Variants in RIMS2 observed in about 807,000 individuals in gnomAD.
RIMS2 encodes the protein regulating synaptic membrane exocytosis 2.
RIMS2 carries 59 observed loss-of-function variants against 174.4 expected under a neutral mutation model. That is an observed-to-expected ratio of 0.34 (90% CI 0.27 to 0.42). The LOEUF (loss-of-function observed/expected upper bound fraction) is 0.42, where lower values mean the gene tolerates loss of function less well. Ranked by LOEUF, RIMS2 falls within the 10% of genes least tolerant of loss-of-function variation. The pLI is 1.00. For missense variants in RIMS2, 1,620 were observed against 1,666.3 expected, an observed-to-expected ratio of 0.97 and a Z score of 0.48; for synonymous variants, 606 against 572.5, an observed-to-expected ratio of 1.06 and a Z score of -0.84.
At chr8:104,028,142 T>G (rs72683160) in intron 19 of RIMS2, among the ~76,000 whole-genome samples, 19,370 of 149,650 alleles carry the variant, frequency 0.13, 1,696 homozygotes, top group Non-Finnish European at 0.19. Flanking sequence ...AAAAAAAAGA[T>G]CTAAAGAAAG....
intron 15 of RIMS2, among the ~76,000 whole-genome samples, chr8:103,966,928 C>G (rs12547050): frequency 1.3e-5 from 2 of 151,624 alleles, no homozygotes; most frequent in Admixed American, 1.3e-4. Flanking sequence ...TTACTGCTTT[C>G]TAATTTATTT....
At chr8:104,042,143 A>C (rs889504672) in intron 19 of RIMS2, among the ~76,000 whole-genome samples, 1 of 151,468 alleles carries the variant, frequency 6.6e-6, no homozygotes, top group Non-Finnish European at 1.5e-5. Context: ...GGAATCAGAA[A>C]AGGTGGTATG....
chr8:103,676,316 A>T (rs1242776860), intron 1 of RIMS2, among the ~76,000 whole-genome samples: 1 of 152,132 alleles, frequency 6.6e-6, no homozygotes, highest in Non-Finnish European at 1.5e-5. Context: ...AAACTAAGCT[A>T]TTGTTTCTTA....
intron 1 of RIMS2, among the ~76,000 whole-genome samples, chr8:103,579,899 G>A (rs1378052613): frequency 6.6e-6 from 1 of 152,146 alleles, no homozygotes; most frequent in Non-Finnish European, 1.5e-5. Context: ...AATGGTGGCA[G>A]GAGACAGAGA....
intron 19 of RIMS2, among the ~76,000 whole-genome samples, chr8:104,039,854 GA>G (rs2154557453): frequency 1.3e-5 from 2 of 151,710 alleles, no homozygotes; most frequent in South Asian, 2.1e-4. Context: ...AGAATCTGAA[GA>G]TTTTTTTTCT....
intron 1 of RIMS2, among the ~76,000 whole-genome samples, chr8:103,575,671 TACACAC>T (rs750157720): frequency 8.5e-5 from 10 of 117,300 alleles, no homozygotes; most frequent in African/African-American, 1.3e-4. Flanking sequence ...AACACACACA[TACACAC>T]ACACACACAT....
intron 19 of RIMS2, among the ~76,000 whole-genome samples, chr8:104,153,570 T>G (rs2098703268): frequency 6.6e-6 from 1 of 152,196 alleles, no homozygotes; most frequent in African/African-American, 2.4e-5. Context: ...AGTTATTACA[T>G]GATTAAGTGC....
At chr8:103,850,338 A>C (rs1302319626) in intron 3 of RIMS2, among the ~76,000 whole-genome samples, 1 of 152,028 alleles carries the variant, frequency 6.6e-6, no homozygotes, top group Non-Finnish European at 1.5e-5. Flanking sequence ...ATTTAATTTC[A>C]AAATATAATA....
chr8:104,191,613 A>G (rs866127262), intron 19 of RIMS2, among the ~76,000 whole-genome samples: 9 of 152,188 alleles, frequency 5.9e-5, no homozygotes, highest in African/African-American at 2.2e-4. Flanking sequence ...GGAAATTATT[A>G]TCTAAGTGCA....
chr8:103,763,510 A>G (rs1272475257), intron 2 of RIMS2, among the ~76,000 whole-genome samples: 2 of 151,542 alleles, frequency 1.3e-5, no homozygotes, highest in East Asian at 1.9e-4. Context: ...AGCGAGGAAT[A>G]TAGGATAAGG....
intron 5 of RIMS2, chr8:103,910,380 AC>A (rs1433908686): frequency 6.3e-7 from 1 of 1,597,900 alleles, no homozygotes; most frequent in Admixed American, 1.7e-5. Flanking sequence ...GGACTCTAAC[AC>A]CAGGTCTGAG....
At chr8:103,676,123 C>A (rs1379600101) in intron 1 of RIMS2, among the ~76,000 whole-genome samples, 1 of 152,128 alleles carries the variant, frequency 6.6e-6, no homozygotes, top group East Asian at 1.9e-4. Context: ...AAAGGTAAGA[C>A]TTGTTATGTA....
At chr8:103,805,897 C>T (rs777490200) in intron 3 of RIMS2, among the ~76,000 whole-genome samples, 1 of 152,056 alleles carries the variant, frequency 6.6e-6, no homozygotes, top group Non-Finnish European at 1.5e-5. Flanking sequence ...ATTTTAGTTA[C>T]ATCTCTCAGA....
intron 3 of RIMS2, among the ~76,000 whole-genome samples, chr8:103,842,388 A>G (rs998509228): frequency 2.0e-5 from 3 of 152,170 alleles, no homozygotes; most frequent in African/African-American, 7.2e-5. Flanking sequence ...AATTTTAAAT[A>G]TAACTAAAAA....
intron 3 of RIMS2, among the ~76,000 whole-genome samples, chr8:103,812,851 G>A (rs538097138): frequency 8.9e-4 from 136 of 152,278 alleles, no homozygotes; most frequent in Middle Eastern, 3.4e-3. Context: ...CAAAATACAT[G>A]AAGATACTAT....
intron 17 of RIMS2, 144 bp downstream of exon 19, chr8:103,989,565 T>C: frequency 1.9e-6 from 1 of 534,900 alleles, no homozygotes; most frequent in Non-Finnish European, 3.3e-6. Context: ...CATTATTTCT[T>C]ATGACTGCCA....
In RIMS2 at chr8:103,742,334, A is replaced by G. The variant is rs1026887123; in HGVS notation, c.388-23893A>G. On this transcript the variant is annotated intron_variant, in intron 2 of 23. Coordinates refer to ENST00000504942, the Ensembl canonical transcript of RIMS2. ...TCCTGGGCAAGTCTCTTAATGTGCC[A>G]TCATTTCATCAAATATGTTATTTTT... Among the ~76,000 whole-genome samples, 27 of 152,128 alleles carry G rather than the reference A, an allele frequency of 1.8e-4. 1 individual carries two copies. The highest frequency in any genetic ancestry group is 3.1e-4 in the Non-Finnish European group (21 of 67,972).
chr8:104,225,415 C>T (rs1011679899), intron 19 of RIMS2, among the ~76,000 whole-genome samples: 1 of 152,096 alleles, frequency 6.6e-6, no homozygotes, highest in African/African-American at 2.4e-5. Flanking sequence ...TAGAATTTAA[C>T]CACTTGTGCC....
intron 22 of RIMS2, 143 bp downstream of exon 28, chr8:104,249,731 C>T: frequency 1.7e-6 from 1 of 575,208 alleles, no homozygotes; most frequent in Non-Finnish European, 3.1e-6. Context: ...GTGCTGGAGT[C>T]ATTTGTGTGT....
Sources: allele counts gnomAD v4.1 joint callset (sites outside exome capture counted in the v4.1 genomes callset), GRCh38; gene constraint gnomAD v4.1.1; transcripts MANE v1.5; gene names NCBI Gene and HGNC (gene_info 2026-07-23, HGNC 2026-07-21).